Variants in PCDHA10 observed in about 807,000 individuals in gnomAD.
PCDHA10 encodes protocadherin alpha-10.
PCDHA10 carries 45 observed loss-of-function variants against 61.2 expected under a neutral mutation model. That is an observed-to-expected ratio of 0.74 (90% CI 0.58 to 0.94). The LOEUF (loss-of-function observed/expected upper bound fraction) is 0.94. PCDHA10 is among the 40% of genes least tolerant of loss of function. The probability of loss-of-function intolerance (pLI) is 0.00; values close to 1 mark genes in which losing one functional copy is unlikely to be tolerated. For synonymous variants in PCDHA10, 602 were observed against 548.8 expected (o/e 1.10, Z -1.35); for missense variants, 1,278 against 1,236.2 (o/e 1.03, Z -0.51).
intron 1 of PCDHA10, among the ~76,000 whole-genome samples, chr5:140,953,564 G>C (rs2094904127): frequency 6.6e-6 from 1 of 152,058 alleles, no homozygotes; most frequent in Non-Finnish European, 1.5e-5. Context: ...AAGTTTTAGT[G>C]CCCTCCTCTC....
At position 140,857,226 on chromosome 5, in the gene PCDHA10, C is replaced by G; in HGVS notation, c.1178C>G (p.Pro393Arg). Residue 393 changes from proline to arginine, a missense_variant, in exon 1 of 4, where the codon CCG (proline) becomes CGG (arginine). Pro to Arg is a moderately radical substitution (Grantham distance 103). Coordinates refer to ENST00000307360, the MANE Select transcript of PCDHA10 (RefSeq NM_018901.4). The stretch of plus-strand genomic sequence containing the variant: ...ACCTGCTCTCTGACGCCTCACGTTC[C>G]GTTCAAGCTGGTGTCCACCTACAAG... Reference protein sequence around the residue: ...QVTCSLTPHVPFKLVSTYKNY... With the variant: ...QVTCSLTPHVRFKLVSTYKNY... The G allele has an allele frequency of 1.3e-6, 2 of 1,598,494 alleles. No individual in the cohort carries two copies. The highest frequency in any genetic ancestry group is 1.7e-6 in the Non-Finnish European group (2 of 1,167,908).
intron 1 of PCDHA10, among the ~76,000 whole-genome samples, chr5:140,930,773 TA>T (rs1192170091): frequency 6.6e-6 from 1 of 152,226 alleles, no homozygotes; most frequent in East Asian, 1.9e-4. Flanking sequence ...CTGTACTTAA[TA>T]TTTTCACAAT....
At chr5:140,877,340 A>G (rs782755927) in intron 1 of PCDHA10, 9 of 1,613,820 alleles carry the variant, frequency 5.6e-6, no homozygotes, top group Admixed American at 1.7e-5. Context: ...ATCCCGTTCC[A>G]CGTGGGGCTG....
At chr5:140,892,013 C>T (rs2063353338) in intron 1 of PCDHA10, among the ~76,000 whole-genome samples, 1 of 152,206 alleles carries the variant, frequency 6.6e-6, no homozygotes, top group South Asian at 2.1e-4. Context: ...GTTATAGCAG[C>T]ACAAATGGTC....
intron 1 of PCDHA10, among the ~76,000 whole-genome samples, chr5:140,879,457 T>A (rs1554170803): frequency 6.6e-6 from 1 of 152,176 alleles, no homozygotes; most frequent in Non-Finnish European, 1.5e-5. Context: ...TTTGAAGTCC[T>A]AAGAGAATAC....
At chr5:140,976,007 A>G (rs546477565) in intron 1 of PCDHA10, among the ~76,000 whole-genome samples, 55 of 152,354 alleles carry the variant, frequency 3.6e-4, no homozygotes, top group African/African-American at 1.3e-3. Flanking sequence ...TAAGTATTAA[A>G]GAACTAAATA....
intron 1 of PCDHA10, chr5:140,870,969 C>T: frequency 1.2e-6 from 2 of 1,613,644 alleles, no homozygotes; most frequent in Non-Finnish European, 1.7e-6. Context: ...TCCCGTTCCG[C>T]GTGGGGCTGT....
chr5:140,864,705 G>T (rs1321181111), intron 1 of PCDHA10: 1 of 152,172 alleles, frequency 6.6e-6, no homozygotes, highest in Admixed American at 6.5e-5. Flanking sequence ...AAGTTGTTGA[G>T]CTCTTCTACT....
At chr5:140,909,634 T>G (rs2074616296) in intron 1 of PCDHA10, among the ~76,000 whole-genome samples, 1 of 152,176 alleles carries the variant, frequency 6.6e-6, no homozygotes, top group Non-Finnish European at 1.5e-5. Flanking sequence ...GTCTTCCTAT[T>G]TTGTCTTTTC....
intron 1 of PCDHA10, among the ~76,000 whole-genome samples, chr5:140,940,027 G>A (rs1554213088): frequency 6.6e-6 from 1 of 152,058 alleles, no homozygotes; most frequent in Non-Finnish European, 1.5e-5. Context: ...TATGTTTTAA[G>A]GCTATTTTAT....
intron 1 of PCDHA10, chr5:140,869,464 G>C: frequency 6.2e-7 from 1 of 1,614,198 alleles, no homozygotes; most frequent in Non-Finnish European, 8.5e-7. Context: ...CCATGTGAAC[G>C]TGGAGGTGAA....
At chr5:140,937,546 G>A (rs1584916949) in intron 1 of PCDHA10, among the ~76,000 whole-genome samples, 1 of 152,050 alleles carries the variant, frequency 6.6e-6, no homozygotes, top group Non-Finnish European at 1.5e-5. Flanking sequence ...GAACCTGCGA[G>A]GCAGAGGTTG....
intron 1 of PCDHA10, among the ~76,000 whole-genome samples, chr5:140,950,973 T>C (rs1381300164): frequency 3.3e-5 from 5 of 152,244 alleles, no homozygotes; most frequent in Middle Eastern, 3.4e-3. Flanking sequence ...TTCAGATTCA[T>C]TGACTTTTGC....
At chr5:140,957,023 G>C (rs1360382480) in intron 1 of PCDHA10, among the ~76,000 whole-genome samples, 2 of 152,100 alleles carry the variant, frequency 1.3e-5, no homozygotes, top group Non-Finnish European at 2.9e-5. Flanking sequence ...TGAGCATTTA[G>C]ATATTTATGG....
chr5:140,870,766 C>G, intron 1 of PCDHA10: 3 of 1,613,562 alleles, frequency 1.9e-6, no homozygotes, highest in South Asian at 1.1e-5. Context: ...GGTGTTCGTG[C>G]TGGACGAGAA....
chr5:140,884,961 C>A (rs1454276450), intron 1 of PCDHA10, among the ~76,000 whole-genome samples: 1 of 152,126 alleles, frequency 6.6e-6, no homozygotes, highest in Non-Finnish European at 1.5e-5. Context: ...AAATTCCTCA[C>A]GTTGTGAGAA....
chr5:140,873,211 T>C (rs560514188), intron 1 of PCDHA10, among the ~76,000 whole-genome samples: 2 of 152,272 alleles, frequency 1.3e-5, no homozygotes, highest in Admixed American at 6.5e-5. Flanking sequence ...TCTTTAAGTA[T>C]TAAAGAGAAG....
chr5:140,983,005 A>AAAGG (rs1223217874), intron 3 of PCDHA10, among the ~76,000 whole-genome samples: 11 of 152,228 alleles, frequency 7.2e-5, no homozygotes, highest in African/African-American at 2.4e-4. Flanking sequence ...AAAGAAAGAA[A>AAAGG]AAGGAAGGAA....
chr5:140,882,676 C>T (rs1458440894), intron 1 of PCDHA10: 18 of 1,614,060 alleles, frequency 1.1e-5, no homozygotes, highest in Admixed American at 3.3e-5. Context: ...TCCCTGAAAG[C>T]AAGAAACGAA....
Sources: allele counts gnomAD v4.1 joint callset (sites outside exome capture counted in the v4.1 genomes callset), GRCh38; gene constraint gnomAD v4.1.1; transcripts MANE v1.5; gene names NCBI Gene and HGNC (gene_info 2026-07-23, HGNC 2026-07-21).